Variants in RPTOR observed in about 807,000 individuals in gnomAD.
RPTOR encodes regulatory associated protein of MTOR complex 1.
Under a neutral mutation model 169.9 loss-of-function variants are expected in RPTOR, and 21 were observed. The ratio of observed to expected loss-of-function variants is 0.12; its 90% confidence interval spans 0.09 to 0.18. The LOEUF (loss-of-function observed/expected upper bound fraction) is 0.18, where lower values mean the gene tolerates loss of function less well. RPTOR is among the 10% of genes least tolerant of loss of function. RPTOR has a pLI of 1.00. For synonymous variants in RPTOR, 732 were observed against 753.2 expected (o/e 0.97, Z 0.46); for missense variants, 1,133 against 1,855.9 (o/e 0.61, Z 7.16).
rs983316752 is a variant in RPTOR at position 80,672,496 on chromosome 17, C to CA, written c.348+28689dup. Reference sequence around the variant, plus strand: ...AGAATTAAAAGATAAAAATAAAAAACAAACTTCTCAGCCAGGCGCGGTGGC... The same window carrying CA: ...AGAATTAAAAGATAAAAATAAAAAACAAAACTTCTCAGCCAGGCGCGGTGGC... On this transcript the variant is annotated intron_variant, in intron 3 of 33. Coordinates refer to ENST00000306801, the MANE Select transcript of RPTOR (RefSeq NM_020761.3). Among the ~76,000 whole-genome samples, 29 of 150,078 alleles carry CA rather than the reference C, an allele frequency of 1.9e-4. 1 individual carries two copies. Among genetic ancestry groups the CA allele is most frequent in the African/African-American group, 7.1e-4 (29 of 40,866 alleles).
At chr17:80,781,169 G>A (rs562172790) in intron 6 of RPTOR, among the ~76,000 whole-genome samples, 3 of 152,206 alleles carry the variant, frequency 2.0e-5, no homozygotes, top group East Asian at 1.9e-4. Flanking sequence ...CAGATCCTCC[G>A]GTGACATTGC....
intron 13 of RPTOR, chr17:80,858,234 C>G (rs1409004008): frequency 3.2e-6 from 1 of 312,646 alleles, no homozygotes; most frequent in East Asian, 7.0e-5. Flanking sequence ...CCCCGTGCTC[C>G]TGACCCTGAC....
intron 13 of RPTOR, among the ~76,000 whole-genome samples, chr17:80,879,694 T>A (rs984345617): frequency 2.6e-5 from 4 of 152,186 alleles, no homozygotes; most frequent in African/African-American, 4.8e-5. Context: ...CTCACGACTG[T>A]GCCGAGCCAT....
intron 6 of RPTOR, among the ~76,000 whole-genome samples, chr17:80,785,385 C>G (rs2066981340): frequency 6.6e-6 from 1 of 152,208 alleles, no homozygotes; most frequent in Non-Finnish European, 1.5e-5. Flanking sequence ...CGAAGGCATA[C>G]AGGCAGACCA....
At chr17:80,767,128 T>G (rs2143396365) in intron 6 of RPTOR, among the ~76,000 whole-genome samples, 1 of 152,326 alleles carries the variant, frequency 6.6e-6, no homozygotes, top group Admixed American at 6.5e-5. Context: ...ATCCCAGCAC[T>G]TTGGGAGGCC....
At position 80,960,116 on chromosome 17, in the gene RPTOR, G is replaced by A. The variant is rs748220233; in HGVS notation, c.3516G>A (p.Leu1172=). Residue 1172 remains leucine (L), a synonymous_variant, in exon 30 of 34, where the codon CTG becomes CTA. Coordinates refer to ENST00000306801, the MANE Select transcript of RPTOR (RefSeq NM_020761.3). The surrounding 1 kb of genome is among the most constrained non-coding windows in gnomAD (Gnocchi z 4.8). ...PTGADSCVTS[L]SCDSHRSLIV... is the part of the protein sequence containing the mutation. ...GCGCAGACAGCTGTGTGACGAGTCT[G>A]TCCTGTGATTCCCACCGCTCACTCA... 2 of 1,613,724 alleles carry A rather than the reference G, an allele frequency of 1.2e-6. No homozygotes were observed. Among genetic ancestry groups the A allele is most frequent in the Non-Finnish European group, 1.7e-6 (2 of 1,180,006 alleles).
chr17:80,816,008 G>A (rs755417111), intron 7 of RPTOR, among the ~76,000 whole-genome samples: 2 of 152,224 alleles, frequency 1.3e-5, no homozygotes. Flanking sequence ...GAGGGGCGTG[G>A]ACACAGCTTC....
In RPTOR at chr17:80,721,156, G is replaced by T. The variant is rs1327563292; in HGVS notation, c.508-9404G>T. On this transcript the variant is annotated intron_variant, in intron 4 of 33. Coordinates refer to ENST00000306801, the MANE Select transcript of RPTOR (RefSeq NM_020761.3). This position sits in a 1 kb window ranked among gnomAD's most constrained non-coding sequence, Gnocchi z 4.7. Reference sequence around the variant, plus strand: ...AGGGGAGGCCTGGGAGTGCGAGGGGGCTCTGGTGACAGGAAGTAGTCCCCT... The same window carrying T: ...AGGGGAGGCCTGGGAGTGCGAGGGGTCTCTGGTGACAGGAAGTAGTCCCCT... Among the ~76,000 whole-genome samples the T allele has an allele frequency of 3.3e-5, 5 of 150,840 alleles. No homozygotes were observed. The highest frequency in any genetic ancestry group is 1.2e-4 in the African/African-American group (5 of 40,204).
At chr17:80,555,069 G>T (rs764346558) in intron 1 of RPTOR, among the ~76,000 whole-genome samples, 1 of 152,178 alleles carries the variant, frequency 6.6e-6, no homozygotes. Flanking sequence ...CTTTAAGACC[G>T]TAAAGGGGCC....
At chr17:80,564,015 C>T (rs2084538886) in intron 1 of RPTOR, among the ~76,000 whole-genome samples, 1 of 152,140 alleles carries the variant, frequency 6.6e-6, no homozygotes. Context: ...GGGTGGTTTC[C>T]AGCATTTCGG....
At chr17:80,736,112 A>G (rs1348617032) in intron 5 of RPTOR, among the ~76,000 whole-genome samples, 1 of 152,006 alleles carries the variant, frequency 6.6e-6, no homozygotes, top group African/African-American at 2.4e-5. Flanking sequence ...TGGAGGCTGC[A>G]GTGAGCCGTG....
intron 6 of RPTOR, among the ~76,000 whole-genome samples, chr17:80,779,520 T>C (rs967024550): frequency 6.6e-6 from 1 of 152,218 alleles, no homozygotes; most frequent in African/African-American, 2.4e-5. Flanking sequence ...TAAGATTCCG[T>C]CGCGGTCGGA....
At chr17:80,867,996 C>A in intron 13 of RPTOR, among the ~76,000 whole-genome samples, 1 of 152,148 alleles carries the variant, frequency 6.6e-6, no homozygotes, top group East Asian at 1.9e-4. Context: ...ACTAATACTA[C>A]CTGATTACAA....
At chr17:80,566,347 A>G (rs1358282709) in intron 1 of RPTOR, among the ~76,000 whole-genome samples, 1 of 152,222 alleles carries the variant, frequency 6.6e-6, no homozygotes, top group Non-Finnish European at 1.5e-5. Context: ...GAGGTTTCCC[A>G]GATGTTACTA....
At chr17:80,706,810 C>G (rs1290146075) in intron 3 of RPTOR, among the ~76,000 whole-genome samples, 2 of 152,144 alleles carry the variant, frequency 1.3e-5, no homozygotes, top group Non-Finnish European at 2.9e-5. Context: ...ATTAAACGAG[C>G]GAGAGCTGAC....
At chr17:80,773,730 G>T (rs1171548443) in intron 6 of RPTOR, 13 of 955,568 alleles carry the variant, frequency 1.4e-5, no homozygotes, top group Non-Finnish European at 1.5e-5. Flanking sequence ...CCAGGCAGGC[G>T]CTTGGGCAGG....
At chr17:80,864,868 G>T (rs1226831055) in intron 13 of RPTOR, among the ~76,000 whole-genome samples, 2 of 152,074 alleles carry the variant, frequency 1.3e-5, no homozygotes, top group Admixed American at 6.5e-5. Context: ...ACGAGACAAG[G>T]TCTCATTCTG....
chr17:80,821,715 C>A (rs546776292), intron 7 of RPTOR, among the ~76,000 whole-genome samples: 2 of 152,216 alleles, frequency 1.3e-5, no homozygotes, highest in Admixed American at 1.3e-4. Flanking sequence ...TGGCAATCCC[C>A]ACATCCCTGT....
At chr17:80,750,992 T>A (rs2066624919) in intron 5 of RPTOR, among the ~76,000 whole-genome samples, 1 of 152,236 alleles carries the variant, frequency 6.6e-6, no homozygotes. Flanking sequence ...ATTAAGTATA[T>A]GAGAATTTGA....
Sources: gnomAD v4.1 joint callset for allele counts (sites outside exome capture counted in the v4.1 genomes callset) on GRCh38, gnomAD v4.1.1 for gene constraint, Gnocchi (gnomAD v3.1) non-coding constraint, MANE v1.5 for transcripts, NCBI Gene and HGNC (gene_info 2026-07-23, HGNC 2026-07-21) for gene names.